Variants in ADAMTS12 observed in about 807,000 individuals in gnomAD.
The protein encoded by ADAMTS12 is A disintegrin and metalloproteinase with thrombospondin motifs 12.
ADAMTS12 carries 118 observed loss-of-function variants against 167.8 expected under a neutral mutation model. That is an observed-to-expected ratio of 0.70 (90% CI 0.61 to 0.82). ADAMTS12 has a LOEUF of 0.82. Among genes scored for constraint, ADAMTS12 ranks in the 40% least tolerant of loss-of-function variants. The pLI, the probability that ADAMTS12 is intolerant of heterozygous loss-of-function variation, is 0.00. For missense variants in ADAMTS12, 1,916 were observed against 1,998.8 expected, an observed-to-expected ratio of 0.96 and a Z score of 0.79; for synonymous variants, 704 against 716.9, an observed-to-expected ratio of 0.98 and a Z score of 0.29.
intron 7 of ADAMTS12, among the ~76,000 whole-genome samples, chr5:33,652,530 T>C (rs764557340): frequency 3.3e-5 from 5 of 152,078 alleles, no homozygotes; most frequent in African/African-American, 4.8e-5. Flanking sequence ...TCGATATTAG[T>C]CCTTTGTCAG....
At chr5:33,789,447 G>A (rs751763557) in intron 2 of ADAMTS12, among the ~76,000 whole-genome samples, 2 of 152,194 alleles carry the variant, frequency 1.3e-5, no homozygotes, top group Non-Finnish European at 2.9e-5. Context: ...TGCTTTTAGG[G>A]TCTCTAGACC....
intron 2 of ADAMTS12, among the ~76,000 whole-genome samples, chr5:33,818,743 G>A (rs76932983): frequency 0.025 from 3,870 of 152,152 alleles, 168 homozygotes; most frequent in African/African-American, 0.089. Flanking sequence ...CCTCACCAAC[G>A]TTGGTTATCT....
chr5:33,542,532 C>G (rs1464990065), intron 22 of ADAMTS12, among the ~76,000 whole-genome samples: 1 of 152,196 alleles, frequency 6.6e-6, no homozygotes, highest in African/African-American at 2.4e-5. Flanking sequence ...ATCTACAGAA[C>G]TCTTCACCCC....
intron 3 of ADAMTS12, among the ~76,000 whole-genome samples, chr5:33,734,900 C>G (rs1291763322): frequency 2.0e-5 from 3 of 152,198 alleles, no homozygotes; most frequent in African/African-American, 7.2e-5. Flanking sequence ...AATTTCTAGA[C>G]CAGCACTTCT....
intron 3 of ADAMTS12, among the ~76,000 whole-genome samples, chr5:33,732,942 C>G (rs1216434637): frequency 1.3e-5 from 2 of 151,734 alleles, no homozygotes; most frequent in African/African-American, 2.4e-5. Flanking sequence ...TTTAAAATAG[C>G]CTTTTATAAC....
chr5:33,707,159 T>C (rs750379076), intron 3 of ADAMTS12, among the ~76,000 whole-genome samples: 5 of 151,920 alleles, frequency 3.3e-5, no homozygotes, highest in Admixed American at 6.6e-5. Flanking sequence ...ACACCAATAA[T>C]AGACAAATAG....
At chr5:33,575,304 A>C (rs1249585931) in intron 19 of ADAMTS12, among the ~76,000 whole-genome samples, 1 of 152,180 alleles carries the variant, frequency 6.6e-6, no homozygotes, top group African/African-American at 2.4e-5. Flanking sequence ...ACCAAGTCTC[A>C]AAACTAGGTT....
intron 3 of ADAMTS12, among the ~76,000 whole-genome samples, chr5:33,697,625 T>C (rs1742831881): frequency 6.6e-6 from 1 of 152,120 alleles, no homozygotes. Flanking sequence ...AATACCACAA[T>C]ACCAGGCATT....
At chr5:33,703,427 C>T (rs991835783) in intron 3 of ADAMTS12, among the ~76,000 whole-genome samples, 1 of 152,108 alleles carries the variant, frequency 6.6e-6, no homozygotes, top group Non-Finnish European at 1.5e-5. Context: ...ATAAGATCTG[C>T]TCTTTTAGAA....
In ADAMTS12 at chr5:33,751,551, G is replaced by A. The variant is rs1744981999; in HGVS notation, c.490-3C>T. On this transcript the variant is annotated splice_region_variant and splice_polypyrimidine_tract_variant and intron_variant, in intron 2 of 23. Transcript: ENST00000504830. ...TGTGGTAGTTGGAAAAATCCAGTCTGTAAATACATTCAGTAAGAAAGTTTA... is the reference window on the plus strand; with the variant it reads ...TGTGGTAGTTGGAAAAATCCAGTCTATAAATACATTCAGTAAGAAAGTTTA... The A allele has an allele frequency of 6.2e-7, 1 of 1,612,680 alleles. No homozygotes were observed. Among genetic ancestry groups the A allele is most frequent in the Admixed American group, 1.7e-5 (1 of 59,752 alleles).
chr5:33,600,689 AAT>A (rs1428983661), intron 16 of ADAMTS12, among the ~76,000 whole-genome samples: 6 of 152,306 alleles, frequency 3.9e-5, no homozygotes, highest in Middle Eastern at 3.4e-3. Flanking sequence ...TCTTTTTTAA[AAT>A]AACCATTTAA....
intron 2 of ADAMTS12, among the ~76,000 whole-genome samples, chr5:33,808,927 T>C (rs893830335): frequency 9.9e-5 from 15 of 152,246 alleles, no homozygotes; most frequent in African/African-American, 3.6e-4. Flanking sequence ...TGGTTTCCTC[T>C]TCTCAGCACT....
At chr5:33,743,596 C>T (rs1050362320) in intron 3 of ADAMTS12, among the ~76,000 whole-genome samples, 1 of 152,194 alleles carries the variant, frequency 6.6e-6, no homozygotes. Flanking sequence ...TTTGTTCACC[C>T]TTGTATCCTA....
At chr5:33,683,397 T>G (rs1417448363) in intron 4 of ADAMTS12, among the ~76,000 whole-genome samples, 3 of 152,204 alleles carry the variant, frequency 2.0e-5, no homozygotes. Context: ...GCAAATACCT[T>G]TTCCCACCTC....
intron 14 of ADAMTS12, among the ~76,000 whole-genome samples, chr5:33,621,742 G>C (rs1311203317): frequency 1.3e-5 from 2 of 152,216 alleles, no homozygotes; most frequent in Non-Finnish European, 2.9e-5. Context: ...GGAGGCTCCT[G>C]GGAAATGCTG....
At chr5:33,855,458 T>C (rs2910640) in intron 2 of ADAMTS12, among the ~76,000 whole-genome samples, 4,366 of 152,338 alleles carry the variant, frequency 0.029, 186 homozygotes, top group East Asian at 0.2. Context: ...CAAAGCTCCA[T>C]GGTGTCCTAC....
At chr5:33,716,653 TTTTA>T (rs2112327429) in intron 3 of ADAMTS12, among the ~76,000 whole-genome samples, 1 of 152,310 alleles carries the variant, frequency 6.6e-6, no homozygotes, top group Non-Finnish European at 1.5e-5. Flanking sequence ...GAATTGTGTT[TTTTA>T]TTTATTGAAA....
chr5:33,786,067 C>T (rs1746313162), intron 2 of ADAMTS12, among the ~76,000 whole-genome samples: 1 of 152,192 alleles, frequency 6.6e-6, no homozygotes, highest in Admixed American at 6.6e-5. Flanking sequence ...ATACAAAAGA[C>T]TACATCTTGT....
rs77581578 is a variant in ADAMTS12, at chr5:33,549,269, G to T, written c.4240C>A (p.Pro1414Thr). Reference sequence around the variant, plus strand: ...TCCGGGTTACAGCTCATGCTCAATGGGGGAGGAATGCCGGCCAGGAACTGG... The same window carrying T: ...TCCGGGTTACAGCTCATGCTCAATGTGGGAGGAATGCCGGCCAGGAACTGG... ...HCQFLAGIPP[P>T]LSMSCNPEPC... The change falls in exon 21 of 24, where the codon CCA becomes ACA. Residue 1414 changes from proline (P) to threonine (T), a missense_variant. By Grantham distance (38) the Pro-to-Thr change is conservative. Transcript: ENST00000504830. 50,875 of 1,614,148 alleles carry T rather than the reference G, an allele frequency of 0.032. 1,028 individuals are homozygous for T. The highest frequency in any genetic ancestry group is 0.037 in the Non-Finnish European group (44,147 of 1,179,990).
Sources: gnomAD v4.1 joint callset for allele counts (sites outside exome capture counted in the v4.1 genomes callset) on GRCh38, gnomAD v4.1.1 for gene constraint, MANE v1.5 for transcripts, NCBI Gene and HGNC (gene_info 2026-07-23, HGNC 2026-07-21) for gene names.